PRH1: variants seen among roughly 807,000 people sequenced by gnomAD.
The protein encoded by PRH1 is salivary acidic proline-rich phosphoprotein 1/2.
A neutral mutation model predicts 7.9 loss-of-function variants in PRH1; 7 were observed. That is an observed-to-expected ratio of 0.89 (90% confidence interval 0.50 to 1.67). The LOEUF is 1.67. Among genes scored for constraint, PRH1 ranks in the 40% most tolerant of loss-of-function variants. The pLI, the probability that PRH1 is intolerant of heterozygous loss-of-function variation, is 0.00. For synonymous variants in PRH1, 45 were observed against 80.8 expected (o/e 0.56, Z 2.38); for missense variants, 109 against 223.6 (o/e 0.49, Z 3.27).
chr12:11,105,484 A>G (rs1015354370), intron 1 of PRH1, among the ~76,000 whole-genome samples: 2 of 152,330 alleles, frequency 1.3e-5, no homozygotes, highest in South Asian at 2.1e-4. Flanking sequence ...GATGAAATCA[A>G]TGCTGTCTTT....
intron 1 of PRH1, among the ~76,000 whole-genome samples, chr12:11,018,431 C>T (rs1212115074): frequency 1.3e-5 from 2 of 152,198 alleles, no homozygotes; most frequent in African/African-American, 4.8e-5. Flanking sequence ...CCTCAGATTC[C>T]CTTGACTGTC....
intron 2 of PRH1, among the ~76,000 whole-genome samples, chr12:10,924,633 G>A (rs1228980834): frequency 6.6e-6 from 1 of 152,172 alleles, no homozygotes; most frequent in Non-Finnish European, 1.5e-5. Context: ...TCTGGTCCTG[G>A]ACTTTTTTTG....
rs143768410 is a variant in PRH1, at chr12:11,007,687, G to A, written c.-125-33966C>T. Among the ~76,000 whole-genome samples, 1,262 of 152,022 alleles carry A rather than the reference G, an allele frequency of 8.3e-3. 8 individuals carry two copies. Among genetic ancestry groups the A allele is most frequent in the African/African-American group, 0.02 (829 of 41,478 alleles). ...CTGGAAATTAGTAAATTTTGTATAC[G>A]TCTTTGAGATGGCTTCCACATTGGA... On this transcript the variant is annotated intron_variant, in intron 1 of 3. Transcript: ENST00000539853.
intron 1 of PRH1, among the ~76,000 whole-genome samples, chr12:11,108,614 G>A (rs923417344): frequency 1.3e-5 from 2 of 152,218 alleles, no homozygotes; most frequent in Non-Finnish European, 2.9e-5. Context: ...GGACCATGCA[G>A]TGAGGGACGA....
At chr12:10,977,102 G>A (rs1939138892) in intron 1 of PRH1, among the ~76,000 whole-genome samples, 1 of 151,976 alleles carries the variant, frequency 6.6e-6, no homozygotes, top group Non-Finnish European at 1.5e-5. Context: ...ACTTTTCAGA[G>A]ACACAACAAA....
chr12:11,036,656 A>C (rs1481386144), intron 1 of PRH1, among the ~76,000 whole-genome samples: 1 of 152,242 alleles, frequency 6.6e-6, no homozygotes, highest in Non-Finnish European at 1.5e-5. Flanking sequence ...TAAGCAATGT[A>C]TTGTAAAATA....
At chr12:11,053,704 G>T (rs1043411625) in intron 1 of PRH1, among the ~76,000 whole-genome samples, 1 of 152,278 alleles carries the variant, frequency 6.6e-6, no homozygotes, top group Admixed American at 6.5e-5. Context: ...TAATGATGAT[G>T]ATGTCACCTG....
At chr12:10,965,347 TATC>T in intron 2 of PRH1, 1 of 1,181,670 alleles carries the variant, frequency 8.5e-7, no homozygotes, top group South Asian at 1.2e-5. Flanking sequence ...GTAGAAAAGT[TATC>T]ATGTCTGAAC....
intron 1 of PRH1, chr12:10,997,492 T>C (rs748059195): frequency 2.9e-5 from 47 of 1,613,924 alleles, no homozygotes; most frequent in Non-Finnish European, 4.0e-5. Context: ...TCACCAGAAC[T>C]ACACTCTTAG....
chr12:11,134,115 C>A, intron 1 of PRH1: 1 of 1,614,102 alleles, frequency 6.2e-7, no homozygotes, highest in South Asian at 1.1e-5. Flanking sequence ...ATTTGGTCAA[C>A]AAAGGAGATC....
At chr12:10,992,884 A>T (rs990346859) in intron 1 of PRH1, among the ~76,000 whole-genome samples, 2 of 152,232 alleles carry the variant, frequency 1.3e-5, no homozygotes, top group Non-Finnish European at 2.9e-5. Flanking sequence ...ATATTAAGGG[A>T]CATTACTGTA....
Position 11,066,102 on chromosome 12 carries a change from T to C in PRH1, n.124-18914A>G, listed in dbSNP as rs146502687. On this transcript the variant is annotated intron_variant and non_coding_transcript_variant, in intron 1 of 4. Coordinates refer to the PRH1 transcript ENST00000541977. ...AAAGATCAAAGAGTAAAACAGTACA[T>C]ACAAGTTTATGAAAGATTGAAGAAC... 5.4e-3 allele frequency among the ~76,000 whole-genome samples: 818 copies of C among 150,960 alleles called. 7 individuals carry two copies. Among genetic ancestry groups the C allele is most frequent in the African/African-American group, 0.019 (782 of 41,218 alleles).
At chr12:11,055,452 A>T (rs1015973998) in intron 1 of PRH1, among the ~76,000 whole-genome samples, 2 of 152,398 alleles carry the variant, frequency 1.3e-5, no homozygotes. Flanking sequence ...CTGATTGTGC[A>T]GTAATGTTCT....
At chr12:11,164,275 G>T (rs1043359167) in intron 1 of PRH1, among the ~76,000 whole-genome samples, 1 of 152,164 alleles carries the variant, frequency 6.6e-6, no homozygotes. Flanking sequence ...AAAGCTGGAG[G>T]AAGGGCAAAT....
chr12:10,962,038 GCGTCCCTGCCA>G (rs1282906018), intron 2 of PRH1, among the ~76,000 whole-genome samples: 1 of 152,066 alleles, frequency 6.6e-6, no homozygotes, highest in African/African-American at 2.4e-5. Flanking sequence ...CAATTTCCAC[GCGTCCCTGCCA>G]TTGCTGCCCT....
At chr12:10,960,709 C>T (rs928651675) in intron 2 of PRH1, among the ~76,000 whole-genome samples, 22 of 152,084 alleles carry the variant, frequency 1.4e-4, no homozygotes, top group African/African-American at 5.3e-4. Context: ...CAGGAAGTGG[C>T]AAGTTCCTTA....
At chr12:10,931,068 G>T (rs1383310665) in intron 2 of PRH1, 6 of 1,566,066 alleles carry the variant, frequency 3.8e-6, no homozygotes, top group Middle Eastern at 4.3e-4. Context: ...AGTAATCTAG[G>T]ATTCAATGAT....
chr12:11,135,004 G>C (rs1431274173), intron 1 of PRH1, among the ~76,000 whole-genome samples: 1 of 152,096 alleles, frequency 6.6e-6, no homozygotes, highest in African/African-American at 2.4e-5. Flanking sequence ...GGTTGTCCAG[G>C]TGAAATTAGT....
At chr12:11,119,521 A>G (rs1318219807), downstream of PRH1, among the ~76,000 whole-genome samples, 1 of 152,170 alleles carries the variant, frequency 6.6e-6, no homozygotes, top group Non-Finnish European at 1.5e-5. Context: ...GTATCAACAC[A>G]TCCCGTGTAC....
Sources: allele counts gnomAD v4.1 joint callset (sites outside exome capture counted in the v4.1 genomes callset), GRCh38; gene constraint gnomAD v4.1.1; transcripts MANE v1.5; gene names NCBI Gene and HGNC (gene_info 2026-07-23, HGNC 2026-07-21).